The following CYP27C1 variants were observed in gnomAD, a reference collection of about 807,000 sequenced individuals.
The protein encoded by CYP27C1 is cytochrome P450 family 27 subfamily C member 1.
CYP27C1 carries 29 observed loss-of-function variants against 40.6 expected under a neutral mutation model. The ratio of observed to expected loss-of-function variants is 0.71; its 90% confidence interval spans 0.53 to 0.97. CYP27C1 has a LOEUF of 0.97. Among genes scored for constraint, CYP27C1 ranks in the 50% least tolerant of loss-of-function variants. CYP27C1 has a pLI of 0.00. For synonymous variants in CYP27C1, 198 were observed against 186.8 expected, an observed-to-expected ratio of 1.06 and a Z score of -0.49; for missense variants, 390 against 485.8, an observed-to-expected ratio of 0.80 and a Z score of 1.85.
At chr2:127,189,621 T>TAAAAA (rs34402051) in intron 8 of CYP27C1, among the ~76,000 whole-genome samples, 153 of 141,382 alleles carry the variant, frequency 1.1e-3, no homozygotes, top group Middle Eastern at 3.6e-3. Context: ...AAAGTAAAAT[T>TAAAAA]AAAAAAAAAA....
rs1286791004 is a variant in CYP27C1 at position 127,200,507 on chromosome 2, A to T, written c.883+615T>A. On this transcript the variant is annotated intron_variant, in intron 4 of 8. Transcript: ENST00000664447. This position sits in a 1 kb window ranked among gnomAD's most constrained non-coding sequence, Gnocchi z 4.2. ...GCGTGGACCTGAAACTCTACATTTT[A>T]AGCACTGACCAATTTATTTGGAGTA... Among the ~76,000 whole-genome samples the T allele has an allele frequency of 1.3e-5, 2 of 152,214 alleles. No individual in the cohort carries two copies. Among genetic ancestry groups the T allele is most frequent in the Non-Finnish European group, 2.9e-5 (2 of 68,028 alleles).
chr2:127,213,069 C>T (rs1683364692), intron 1 of CYP27C1, among the ~76,000 whole-genome samples: 1 of 151,978 alleles, frequency 6.6e-6, no homozygotes. Context: ...CATTCATAAT[C>T]ACTACAAAGA....
rs1183085512 is a variant in CYP27C1 at position 127,190,336 on chromosome 2, T to TC, written c.1497+2757_1497+2758insG. ...TGGTACTATTTGTGGCTTCTCTTTT[T>TC]TTTTTCTTTTTTTTTTTTTTTTTTG... On this transcript the variant is annotated intron_variant, in intron 8 of 8. Transcript: ENST00000664447. 1.6e-4 allele frequency among the ~76,000 whole-genome samples: 18 copies of TC among 113,364 alleles called. 1 individual carries two copies. In the East Asian group the frequency reaches 4.7e-3, roughly 29 times the overall value. 74.4% of individuals were successfully genotyped at this position (113,364 alleles called of 152,430 possible).
At chr2:127,187,447 C>G (rs75876537) in intron 8 of CYP27C1, 60 bp from the exon 9 acceptor site, 66,798 of 1,429,356 alleles carry the variant, frequency 0.047, 1,741 homozygotes, top group Non-Finnish European at 0.052. Flanking sequence ...TCTCAGTGCT[C>G]CCTGAATGCT....
chr2:127,196,980 C>T lies in CYP27C1; in HGVS notation c.1048-1479G>A, dbSNP rs891326550. On this transcript the variant is annotated intron_variant, in intron 5 of 8. Coordinates refer to ENST00000664447, the MANE Select transcript of CYP27C1 (RefSeq NM_001367502.1). This position sits in a 1 kb window ranked among gnomAD's most constrained non-coding sequence, Gnocchi z 4.5. ...GGAGTTGACTATGCATAAGTTATACCGCAATAAAATCATACTAATTTTTAA... is the reference window on the plus strand; with the variant it reads ...GGAGTTGACTATGCATAAGTTATACTGCAATAAAATCATACTAATTTTTAA... 5.9e-5 allele frequency among the ~76,000 whole-genome samples: 9 copies of T among 152,184 alleles called. No individual in the cohort carries two copies. The highest frequency in any genetic ancestry group is 3.9e-4 in the East Asian group (2 of 5,164).
chr2:127,196,122 A>G lies in CYP27C1; in HGVS notation c.1048-621T>C, dbSNP rs1178170537. Among the ~76,000 whole-genome samples the G allele has an allele frequency of 6.6e-6, 1 of 151,290 alleles. No homozygotes were observed. Among genetic ancestry groups the G allele is most frequent in the Admixed American group, 6.6e-5 (1 of 15,210 alleles). On this transcript the variant is annotated intron_variant, in intron 5 of 8. Coordinates refer to ENST00000664447, the MANE Select transcript of CYP27C1 (RefSeq NM_001367502.1). The surrounding 1 kb of genome is among the most constrained non-coding windows in gnomAD (Gnocchi z 4.5). ...CTGTCGCCCAGGCTGGAATGCAGTG[A>G]CGCGATCTCGGCTCACTGCAAGCTC...
intron 2 of CYP27C1, among the ~76,000 whole-genome samples, chr2:127,204,617 G>GAA (rs1465517951): frequency 9.6e-6 from 1 of 103,784 alleles, no homozygotes; most frequent in Non-Finnish European, 2.0e-5. Flanking sequence ...AAGAAAGAAA[G>GAA]AAAGAAAGAA....
intron 2 of CYP27C1, among the ~76,000 whole-genome samples, chr2:127,204,541 G>A (rs1341820467): frequency 5.8e-4 from 37 of 63,588 alleles, no homozygotes; most frequent in African/African-American, 2.0e-3. Context: ...AAGAAAGAGA[G>A]AGAGAGAGAG....
At chr2:127,191,359 C>A (rs1287179840) in intron 8 of CYP27C1, among the ~76,000 whole-genome samples, 1 of 152,224 alleles carries the variant, frequency 6.6e-6, no homozygotes, top group Non-Finnish European at 1.5e-5. Flanking sequence ...CAGCAGCAAA[C>A]AAGACCCCAT....
chr2:127,199,978 G>T (rs375217226), intron 4 of CYP27C1, among the ~76,000 whole-genome samples: 1 of 152,116 alleles, frequency 6.6e-6, no homozygotes, highest in African/African-American at 2.4e-5. Flanking sequence ...AATAAATGTT[G>T]TGGTTGTTGT....
chr2:127,218,112 G>A lies in CYP27C1; in HGVS notation c.282+1877C>T, dbSNP rs567893453. Among the ~76,000 whole-genome samples the A allele has an allele frequency of 4.9e-4, 74 of 152,326 alleles. No homozygotes were observed. The highest frequency in any genetic ancestry group is 1.7e-3 in the South Asian group (8 of 4,826). On this transcript the variant is annotated intron_variant, in intron 1 of 8. Transcript: ENST00000664447. This position sits in a 1 kb window ranked among gnomAD's most constrained non-coding sequence, Gnocchi z 6.0. ...CTGGGTGTGGTGAAGGAAGCTGTCT[G>A]AGCAGTGGGCAGGAGGGGCTGAGCT...
chr2:127,192,260 C>T (rs1447752178), intron 8 of CYP27C1, among the ~76,000 whole-genome samples: 1 of 152,146 alleles, frequency 6.6e-6, no homozygotes, highest in Non-Finnish European at 1.5e-5. Flanking sequence ...GGTCACCAGG[C>T]ACTCCCCACA....
rs150473839 is a variant in CYP27C1 at position 127,197,931 on chromosome 2, C to A, written c.1047+1445G>T. On this transcript the variant is annotated intron_variant, in intron 5 of 8. Coordinates refer to ENST00000664447, the MANE Select transcript of CYP27C1 (RefSeq NM_001367502.1). Reference sequence around the variant, plus strand: ...TTAACTATCTAGTGTGTTCCCTCCACGCGCTGCTCTGTGTTCGCACAGTCA... The same window carrying A: ...TTAACTATCTAGTGTGTTCCCTCCAAGCGCTGCTCTGTGTTCGCACAGTCA... Among the ~76,000 whole-genome samples the A allele has an allele frequency of 9.2e-5, 14 of 152,236 alleles. No individual in the cohort carries two copies. In the East Asian group the frequency reaches 2.5e-3, roughly 27 times the overall value.
chr2:127,205,730 G>C (rs766347023), intron 2 of CYP27C1, 170 bp downstream of exon 2: 72 of 985,400 alleles, frequency 7.3e-5, no homozygotes, highest in Non-Finnish European at 8.2e-5. Context: ...AGAAAGCCCA[G>C]CAGGGCTCTC....
At chr2:127,215,485 A>T (rs963715243) in intron 1 of CYP27C1, among the ~76,000 whole-genome samples, 1 of 152,188 alleles carries the variant, frequency 6.6e-6, no homozygotes, top group Non-Finnish European at 1.5e-5. Flanking sequence ...TTAAGATATG[A>T]TCCCTAAAGT....
In CYP27C1 at chr2:127,201,016, T is replaced by G; in HGVS notation, c.883+106A>C. 8.9e-7 allele frequency: 1 copy of G among 1,125,614 alleles called. No individual in the cohort carries two copies. The highest frequency in any genetic ancestry group is 1.5e-5 in the South Asian group (1 of 68,752). 69.7% of individuals were successfully genotyped at this position (1,125,614 alleles called of 1,614,324 possible). The stretch of plus-strand genomic sequence containing the variant: ...GTCCAAAAACTAACACGTGACTACA[T>G]CTAGGCATCCTCTGCTATGGTCACC... On this transcript the variant is annotated intron_variant, in intron 4 of 8. Transcript: ENST00000664447. This position sits in a 1 kb window ranked among gnomAD's most constrained non-coding sequence, Gnocchi z 6.0.
intron 6 of CYP27C1, among the ~76,000 whole-genome samples, chr2:127,194,265 C>T (rs1441631228): frequency 6.6e-6 from 1 of 152,148 alleles, no homozygotes; most frequent in Non-Finnish European, 1.5e-5. Context: ...ATCGGATTAT[C>T]TCAGAAAACC....
In CYP27C1 at chr2:127,219,664, T is replaced by C. The variant is rs1252423261; in HGVS notation, c.282+325A>G. On this transcript the variant is annotated intron_variant, in intron 1 of 8. Coordinates refer to ENST00000664447, the MANE Select transcript of CYP27C1 (RefSeq NM_001367502.1). This position sits in a 1 kb window ranked among gnomAD's most constrained non-coding sequence, Gnocchi z 8.7. ...TTCCTTTCTGGCCCCGTTCCTCAGC[T>C]CCCTCTGCCTGCTGCCCCTCTCCGG... 6.8e-6 allele frequency among the ~76,000 whole-genome samples: 1 copy of C among 147,272 alleles called. No individual in the cohort carries two copies. The highest frequency in any genetic ancestry group is 1.5e-5 in the Non-Finnish European group (1 of 66,858).
rs1682630203 is a variant in CYP27C1, at chr2:127,186,552, C to G, written c.*719G>C. On this transcript the variant is annotated 3_prime_UTR_variant, in exon 9 of 9. Transcript: ENST00000664447. The surrounding 1 kb of genome is among the most constrained non-coding windows in gnomAD (Gnocchi z 4.5). Reference sequence around the variant, plus strand: ...GAGTAACTAGGACCATAGGTGTGCACCACCACGCCCGGCTAATTTTTGTAT... The same window carrying G: ...GAGTAACTAGGACCATAGGTGTGCAGCACCACGCCCGGCTAATTTTTGTAT... 6.6e-6 allele frequency: 1 copy of G among 152,182 alleles called. No homozygotes were observed. The highest frequency in any genetic ancestry group is 1.5e-5 in the Non-Finnish European group (1 of 68,100). 9.4% of individuals were successfully genotyped at this position (152,182 alleles called of 1,614,324 possible).
Sources: allele counts gnomAD v4.1 joint callset (sites outside exome capture counted in the v4.1 genomes callset), GRCh38; gene constraint gnomAD v4.1.1; non-coding constraint Gnocchi (gnomAD v3.1); transcripts MANE v1.5; gene names NCBI Gene and HGNC (gene_info 2026-07-23, HGNC 2026-07-21).